The following CUX2 variants were observed in gnomAD, a reference collection of about 807,000 sequenced individuals.
CUX2 encodes the protein cut like homeobox 2.
Under a neutral mutation model 144.8 loss-of-function variants are expected in CUX2, and 40 were observed. The ratio of observed to expected loss-of-function variants is 0.28; its 90% CI spans 0.21 to 0.36. CUX2 has a LOEUF of 0.36. Among genes scored for constraint, CUX2 ranks in the 10% least tolerant of loss-of-function variants. CUX2 has a pLI of 1.00. For missense variants in CUX2, 1,615 were observed against 1,994.0 expected, an observed-to-expected ratio of 0.81 and a Z score of 3.62; for synonymous variants, 827 against 875.6, an observed-to-expected ratio of 0.94 and a Z score of 0.98.
chr12:111,145,186 T>A (rs1876588401), intron 1 of CUX2, among the ~76,000 whole-genome samples: 1 of 152,230 alleles, frequency 6.6e-6, no homozygotes, highest in African/African-American at 2.4e-5. Flanking sequence ...CATATAATGC[T>A]TGTCCAGGCG....
At chr12:111,058,989 T>G (rs570351639) in intron 1 of CUX2, among the ~76,000 whole-genome samples, 1 of 152,350 alleles carries the variant, frequency 6.6e-6, no homozygotes, top group Admixed American at 6.5e-5. Context: ...AAAGCAAAAT[T>G]AGGAATCCCT....
intron 3 of CUX2, among the ~76,000 whole-genome samples, chr12:111,233,342 G>A (rs1162963136): frequency 2.6e-5 from 4 of 152,116 alleles, no homozygotes; most frequent in Admixed American, 1.3e-4. Flanking sequence ...TCCTGGCCCT[G>A]GAGTCCACAC....
At chr12:111,038,344 TGGC>T (rs1869561620) in intron 1 of CUX2, among the ~76,000 whole-genome samples, 1 of 152,246 alleles carries the variant, frequency 6.6e-6, no homozygotes, top group Non-Finnish European at 1.5e-5. Flanking sequence ...TCAGCCCTGT[TGGC>T]GGAATCCTAA....
At chr12:111,103,711 A>C (rs982799773) in intron 1 of CUX2, among the ~76,000 whole-genome samples, 9 of 152,314 alleles carry the variant, frequency 5.9e-5, no homozygotes, top group Middle Eastern at 3.4e-3. Flanking sequence ...ACTTATCTGG[A>C]GTCAACTTAA....
chr12:111,340,414 A>G (rs548898417), intron 20 of CUX2, among the ~76,000 whole-genome samples: 1 of 152,206 alleles, frequency 6.6e-6, no homozygotes. Context: ...CTGACAATCT[A>G]GAGGATATTG....
chr12:111,200,311 T>C (rs552707732), intron 1 of CUX2, among the ~76,000 whole-genome samples: 127 of 152,252 alleles, frequency 8.3e-4, no homozygotes, highest in African/African-American at 2.9e-3. Context: ...GGATAGGCAT[T>C]TCACATTCAT....
intron 1 of CUX2, among the ~76,000 whole-genome samples, chr12:111,169,251 G>A (rs888019933): frequency 4.6e-5 from 7 of 152,116 alleles, no homozygotes; most frequent in Admixed American, 1.3e-4. Context: ...AAGGATGGCC[G>A]CGACCACCAG....
At chr12:111,217,826 A>C (rs900504473) in intron 2 of CUX2, 64 bp from the exon 3 acceptor site, 10 of 1,557,658 alleles carry the variant, frequency 6.4e-6, no homozygotes, top group Non-Finnish European at 7.1e-6. Flanking sequence ...GCGAGCTACA[A>C]GCAGGGGCCA....
intron 18 of CUX2, among the ~76,000 whole-genome samples, chr12:111,331,567 G>A (rs1448836577): frequency 6.6e-6 from 1 of 151,858 alleles, no homozygotes; most frequent in African/African-American, 2.4e-5. Flanking sequence ...CCCAGGAGGT[G>A]GAGGTGGTAG....
chr12:111,221,314 C>G (rs981605743), intron 3 of CUX2, among the ~76,000 whole-genome samples: 39 of 152,122 alleles, frequency 2.6e-4, no homozygotes, highest in African/African-American at 9.2e-4. Context: ...GAGACGCTGC[C>G]AAAGGAAGGT....
chr12:111,116,617 A>C (rs185413157), intron 1 of CUX2, among the ~76,000 whole-genome samples: 40 of 152,316 alleles, frequency 2.6e-4, no homozygotes, highest in Admixed American at 2.4e-3. Context: ...GATTCAGAGC[A>C]AGTTGAGAGA....
intron 1 of CUX2, among the ~76,000 whole-genome samples, chr12:111,201,452 G>A (rs1880587593): frequency 6.6e-6 from 1 of 152,138 alleles, no homozygotes; most frequent in African/African-American, 2.4e-5. Flanking sequence ...CAGCCTGACG[G>A]TTCCAGCCCC....
Position 111,077,397 on chromosome 12 carries a change from C to A in CUX2, c.63+43157C>A, listed in dbSNP as rs1457108605. On this transcript the variant is annotated intron_variant, in intron 1 of 21. Coordinates refer to ENST00000261726, the MANE Select transcript of CUX2 (RefSeq NM_015267.4). This position sits in a 1 kb window ranked among gnomAD's most constrained non-coding sequence, Gnocchi z 4.1. ...CTGGGGACTGGCGCGGCCATGCCAT[C>A]GACCTGAACCCCCTGGACTTCTGCC... Among the ~76,000 whole-genome samples, 1 of 152,106 alleles carries A rather than the reference C, an allele frequency of 6.6e-6. No individual in the cohort carries two copies. The highest frequency in any genetic ancestry group is 2.4e-5 in the African/African-American group (1 of 41,424).
chr12:111,124,810 G>A (rs1874938596), intron 1 of CUX2, among the ~76,000 whole-genome samples: 2 of 152,020 alleles, frequency 1.3e-5, no homozygotes, highest in African/African-American at 4.8e-5. Flanking sequence ...CCCCTTCCAG[G>A]GGTCCCCACT....
chr12:111,193,289 G>A (rs1160143071), intron 1 of CUX2, among the ~76,000 whole-genome samples: 1 of 152,218 alleles, frequency 6.6e-6, no homozygotes, highest in Non-Finnish European at 1.5e-5. Flanking sequence ...CCTGGCACAA[G>A]CATCCCCGGC....
rs1352280492 is a variant in CUX2 at position 111,349,433 on chromosome 12, A to C, written c.*1108A>C. ...TGAAGCTTAGTAACCAGCGCCAAAA[A>C]GTAGATTCATCAAACTAGAGACCCC... On this transcript the variant is annotated 3_prime_UTR_variant, in exon 22 of 22. Transcript: ENST00000261726. 6.6e-6 allele frequency: 1 copy of C among 152,226 alleles called. No individual in the cohort carries two copies. The highest frequency in any genetic ancestry group is 6.5e-5 in the Admixed American group (1 of 15,276). The allele number at this position is 152,226 out of a possible 1,614,324, so 9.4% of individuals were successfully genotyped here.
intron 3 of CUX2, among the ~76,000 whole-genome samples, chr12:111,252,419 C>T (rs1883603981): frequency 1.3e-5 from 2 of 152,108 alleles, no homozygotes; most frequent in Non-Finnish European, 1.5e-5. Context: ...TCTTTCCTAC[C>T]CTGCTATTTG....
At chr12:111,345,964 G>T (rs570784934) in intron 21 of CUX2, among the ~76,000 whole-genome samples, 35 of 148,086 alleles carry the variant, frequency 2.4e-4, no homozygotes, top group African/African-American at 8.0e-4. Flanking sequence ...GCAAAAATTA[G>T]CATGGTGACA....
At chr12:111,218,975 C>T (rs1353825187) in intron 3 of CUX2, among the ~76,000 whole-genome samples, 1 of 150,734 alleles carries the variant, frequency 6.6e-6, no homozygotes, top group Non-Finnish European at 1.5e-5. Flanking sequence ...TCATGTGGGT[C>T]CAGGGATTTC....
Sources: gnomAD v4.1 joint callset for allele counts (sites outside exome capture counted in the v4.1 genomes callset) on GRCh38, gnomAD v4.1.1 for gene constraint, Gnocchi (gnomAD v3.1) non-coding constraint, MANE v1.5 for transcripts, NCBI Gene and HGNC (gene_info 2026-07-23, HGNC 2026-07-21) for gene names.